The following SLC60A1 variants were observed in gnomAD, a reference collection of about 807,000 sequenced individuals.
SLC60A1 encodes the protein major facilitator superfamily domain containing 4.
the SLC60A1 span, among the ~76,000 whole-genome samples, chr1:205,582,474 T>A: frequency 1.3e-5 from 2 of 152,346 alleles, no homozygotes; most frequent in Non-Finnish European, 2.9e-5. Context: ...CTTCCCTGAA[T>A]GGAATTCTTA....
chr1:205,591,953 A>G, the SLC60A1 span: 49 of 685,794 alleles, frequency 7.1e-5, no homozygotes, highest in Non-Finnish European at 9.8e-5. Flanking sequence ...TTCCTTCCAG[A>G]TGTCAGAACG....
chr1:205,580,635 A>ACCCCCCC, the SLC60A1 span: 4 of 852,422 alleles, frequency 4.7e-6, no homozygotes, highest in South Asian at 2.1e-5. This position sits in a 1 kb window ranked among gnomAD's most constrained non-coding sequence, Gnocchi z 5.0. Context: ...CCCCACCCCC[A>ACCCCCCC]CCCGCCACCT....
At chr1:205,570,425 G>GCCAGC in the SLC60A1 span, among the ~76,000 whole-genome samples, 7 of 151,302 alleles carry the variant, frequency 4.6e-5, no homozygotes, top group African/African-American at 1.7e-4. Context: ...CTCTGGAGGG[G>GCCAGC]CCGTTCTGGG....
At chr1:205,571,547 C>A in the SLC60A1 span, among the ~76,000 whole-genome samples, 1 of 152,112 alleles carries the variant, frequency 6.6e-6, no homozygotes, top group African/African-American at 2.4e-5. Context: ...AGTCCTCCCA[C>A]CCCCAAGACA....
the SLC60A1 span, among the ~76,000 whole-genome samples, chr1:205,571,005 C>T: frequency 6.6e-6 from 1 of 152,106 alleles, no homozygotes; most frequent in South Asian, 2.1e-4. Context: ...CACTGCTTAC[C>T]CAACAGGGGG....
the SLC60A1 span, among the ~76,000 whole-genome samples, chr1:205,578,811 A>G: frequency 6.6e-6 from 1 of 152,036 alleles, no homozygotes; most frequent in African/African-American, 2.4e-5. Flanking sequence ...CTCCCTTTTC[A>G]TAATCTGAGA....
chr1:205,592,070 C>G, the SLC60A1 span: 1 of 1,590,102 alleles, frequency 6.3e-7, no homozygotes, highest in Non-Finnish European at 8.6e-7. Context: ...GACGCCGACT[C>G]CTGGCGGTTC....
the SLC60A1 span, chr1:205,569,390 T>A: frequency 1.2e-6 from 1 of 841,454 alleles, no homozygotes; most frequent in Non-Finnish European, 1.5e-6. Context: ...CGACCCGGCC[T>A]CTCCCCCGGC....
At chr1:205,575,128 C>T in the SLC60A1 span, among the ~76,000 whole-genome samples, 16 of 152,168 alleles carry the variant, frequency 1.1e-4, no homozygotes, top group Non-Finnish European at 1.8e-4. Context: ...CAGGGGGTCC[C>T]TTGTCTACTG....
the SLC60A1 span, among the ~76,000 whole-genome samples, chr1:205,588,099 A>G: frequency 1.3e-5 from 2 of 152,204 alleles, no homozygotes; most frequent in African/African-American, 4.8e-5. Context: ...TACATCATCC[A>G]GCAAGCTCAG....
At chr1:205,586,144 C>G in the SLC60A1 span, 1 of 1,613,780 alleles carries the variant, frequency 6.2e-7, no homozygotes. Flanking sequence ...TCACACTGGG[C>G]CGGCTCCTCT....
chr1:205,585,686 CTT>C, the SLC60A1 span, among the ~76,000 whole-genome samples: 510 of 143,738 alleles, frequency 3.5e-3, no homozygotes, highest in Non-Finnish European at 3.9e-3. The surrounding 1 kb of genome is among the most constrained non-coding windows in gnomAD (Gnocchi z 4.2). Context: ...TTGCACACAC[CTT>C]TTTTTTTTTT....
chr1:205,594,380 G>C, the SLC60A1 span, among the ~76,000 whole-genome samples: 1 of 152,254 alleles, frequency 6.6e-6, no homozygotes, highest in African/African-American at 2.4e-5. Context: ...GTGAGGCTGG[G>C]TGCAGTGGCT....
At chr1:205,573,847 G>A in the SLC60A1 span, among the ~76,000 whole-genome samples, 8 of 152,068 alleles carry the variant, frequency 5.3e-5, no homozygotes, top group South Asian at 8.3e-4. Context: ...ACAGGCATGC[G>A]CTGCCACACC....
At chr1:205,585,255 T>C in the SLC60A1 span, among the ~76,000 whole-genome samples, 2 of 152,326 alleles carry the variant, frequency 1.3e-5, no homozygotes, top group South Asian at 4.1e-4. The surrounding 1 kb of genome is among the most constrained non-coding windows in gnomAD (Gnocchi z 4.2). Flanking sequence ...GGGGCCTAAC[T>C]GGTCTGTTGT....
At chr1:205,590,553 C>T in the SLC60A1 span, among the ~76,000 whole-genome samples, 21 of 152,242 alleles carry the variant, frequency 1.4e-4, no homozygotes, top group South Asian at 1.5e-3. Flanking sequence ...GTGGCAGAGA[C>T]GGAAGGGCTG....
chr1:205,587,509 G>C, the SLC60A1 span, among the ~76,000 whole-genome samples: 1 of 152,122 alleles, frequency 6.6e-6, no homozygotes, highest in Non-Finnish European at 1.5e-5. Context: ...AGGGTGAGAG[G>C]GAGATGAGCA....
chr1:205,582,843 C>G, the SLC60A1 span, among the ~76,000 whole-genome samples: 1 of 152,226 alleles, frequency 6.6e-6, no homozygotes, highest in Non-Finnish European at 1.5e-5. Context: ...TTGTCTTTCA[C>G]TCCTGTTAGG....
At chr1:205,577,967 A>G in the SLC60A1 span, among the ~76,000 whole-genome samples, 1 of 152,206 alleles carries the variant, frequency 6.6e-6, no homozygotes, top group African/African-American at 2.4e-5. This position sits in a 1 kb window ranked among gnomAD's most constrained non-coding sequence, Gnocchi z 5.2. Flanking sequence ...AGTACTCGCT[A>G]TCATCCTGGT....
Sources: allele counts gnomAD v4.1 joint callset (sites outside exome capture counted in the v4.1 genomes callset), GRCh38; gene constraint gnomAD v4.1.1; non-coding constraint Gnocchi (gnomAD v3.1); transcripts MANE v1.5; gene names NCBI Gene and HGNC (gene_info 2026-07-23, HGNC 2026-07-21).